DSG2: variants seen among roughly 807,000 people sequenced by gnomAD.
DSG2 encodes desmoglein 2.
DSG2 carries 45 observed loss-of-function variants against 75.6 expected under a neutral mutation model. The observed-to-expected ratio is 0.60, with a 90% CI of 0.47 to 0.76. The LOEUF is 0.76. DSG2 is among the 30% of genes least tolerant of loss of function. The probability of loss-of-function intolerance (pLI) is 0.00; values close to 1 mark genes in which losing one functional copy is unlikely to be tolerated. For missense variants in DSG2, 1,267 were observed against 1,357.4 expected (o/e 0.93, Z 1.05); for synonymous variants, 429 against 483.9 (o/e 0.89, Z 1.49).
rs2073320095 is a variant in DSG2, at chr18:31,547,297, C to T, written c.*554C>T. 1 of 205,026 alleles carries T rather than the reference C, an allele frequency of 4.9e-6. No individual in the cohort carries two copies. The highest frequency in any genetic ancestry group is 9.5e-5 in the South Asian group (1 of 10,546). The allele number at this position is 205,026 out of a possible 1,614,324, so 12.7% of individuals were successfully genotyped here. ...AATCTGTGTGATTCATTAAATTGGA[C>T]CATTGATGATAAGAATACACATTGT... On this transcript the variant is annotated 3_prime_UTR_variant, in exon 15 of 15. Transcript: ENST00000261590.
chr18:31,520,060 C>T, intron 3 of DSG2, 123 bp downstream of exon 3: 1 of 1,236,766 alleles, frequency 8.1e-7, no homozygotes, highest in Non-Finnish European at 1.1e-6. Context: ...TTTAAATATT[C>T]AAGATATATC....
Position 31,546,859 on chromosome 18 carries a change from T to C in DSG2, c.*116T>C, listed in dbSNP as rs2073316150. The C allele has an allele frequency of 1.7e-6, 2 of 1,186,214 alleles. No individual in the cohort carries two copies. The highest frequency in any genetic ancestry group is 1.3e-5 in the South Asian group (1 of 79,028). 73.5% of individuals were successfully genotyped at this position (1,186,214 alleles called of 1,614,324 possible). A position where few individuals can be genotyped will look rare whatever the true frequency, so the allele number is the denominator to read the frequency against. On this transcript the variant is annotated 3_prime_UTR_variant, in exon 15 of 15. Transcript: ENST00000261590. The stretch of plus-strand genomic sequence containing the variant: ...ACACACAGAGACACATACACATTGA[T>C]CTTAAAATTTTTCTCAGTCACTGAT...
intron 9 of DSG2, among the ~76,000 whole-genome samples, chr18:31,532,602 C>A (rs1245036684): frequency 6.6e-6 from 1 of 151,964 alleles, no homozygotes; most frequent in Admixed American, 6.6e-5. Context: ...ACATTTTTTC[C>A]AAAGTAATGT....
chr18:31,500,650 CT>C, intron 1 of DSG2, among the ~76,000 whole-genome samples: 1 of 152,294 alleles, frequency 6.6e-6, no homozygotes, highest in East Asian at 1.9e-4. Flanking sequence ...GCAGTGGAGT[CT>C]GTGACACATG....
At chr18:31,518,314 G>A in intron 2 of DSG2, 40 bp downstream of exon 2, 1 of 1,562,032 alleles carries the variant, frequency 6.4e-7, no homozygotes, top group Non-Finnish European at 8.8e-7. Flanking sequence ...TCTGACTCAG[G>A]AGGGTTAATT....
intron 1 of DSG2, among the ~76,000 whole-genome samples, chr18:31,511,855 G>T (rs1212502307): frequency 6.6e-6 from 1 of 152,070 alleles, no homozygotes; most frequent in Non-Finnish European, 1.5e-5. Context: ...ATCCCAGAAG[G>T]CCCCTTGTGC....
chr18:31,504,753 C>T (rs950818441), intron 1 of DSG2, among the ~76,000 whole-genome samples: 2 of 152,176 alleles, frequency 1.3e-5, no homozygotes, highest in Admixed American at 6.5e-5. Flanking sequence ...AGCATCTCTC[C>T]GCCCTACTCA....
At chr18:31,516,225 A>T (rs1398914777) in intron 1 of DSG2, among the ~76,000 whole-genome samples, 1 of 152,182 alleles carries the variant, frequency 6.6e-6, no homozygotes, top group East Asian at 1.9e-4. Flanking sequence ...CCAATGGAGA[A>T]GGAAGATAAA....
chr18:31,519,666 A>T, intron 2 of DSG2, 137 bp from the exon 3 acceptor site: 1 of 870,208 alleles, frequency 1.1e-6, no homozygotes, highest in Non-Finnish European at 1.8e-6. Context: ...TCCCTTTTAG[A>T]CAATGAAGCC....
intron 1 of DSG2, among the ~76,000 whole-genome samples, chr18:31,514,860 A>C (rs2144306083): frequency 6.6e-6 from 1 of 152,368 alleles, no homozygotes; most frequent in Admixed American, 6.5e-5. Flanking sequence ...TGATGAATTT[A>C]CGTTTGACTA....
At chr18:31,542,914 A>G (rs2073279354) in intron 14 of DSG2, 62 bp downstream of exon 14, 4 of 1,076,776 alleles carry the variant, frequency 3.7e-6, no homozygotes, top group South Asian at 3.2e-5. Context: ...TGTGAATGTG[A>G]TATTATTAGG....
intron 14 of DSG2, 107 bp downstream of exon 14, chr18:31,542,959 GTTTT>G: frequency 2.9e-6 from 2 of 685,658 alleles, no homozygotes; most frequent in Admixed American, 4.0e-5. Flanking sequence ...GAGACTTTGG[GTTTT>G]TTTTTTTTTT....
At chr18:31,498,508 T>A (rs1306435150) in intron 1 of DSG2, among the ~76,000 whole-genome samples, 2 of 151,672 alleles carry the variant, frequency 1.3e-5, no homozygotes, top group Non-Finnish European at 2.9e-5. Context: ...GCCAGGAGAG[T>A]AAGTTGCGAC....
rs927802124 is a variant in DSG2 at position 31,548,720 on chromosome 18, A to T, written c.*1977A>T. 6.6e-6 allele frequency: 1 copy of T among 152,198 alleles called. No homozygotes were observed. The highest frequency in any genetic ancestry group is 2.1e-4 in the South Asian group (1 of 4,826). The allele number at this position is 152,198 out of a possible 1,614,324, so 9.4% of individuals were successfully genotyped here. On this transcript the variant is annotated 3_prime_UTR_variant, in exon 15 of 15. Transcript: ENST00000261590. ...AACCTAACCTGCCTCTTTTAGCATAATCACATTTTCTAAATGATTTTCTTT... is the reference window on the plus strand; with the variant it reads ...AACCTAACCTGCCTCTTTTAGCATATTCACATTTTCTAAATGATTTTCTTT...
intron 9 of DSG2, 71 bp downstream of exon 9, chr18:31,531,323 C>T: frequency 6.6e-7 from 1 of 1,520,070 alleles, no homozygotes; most frequent in Non-Finnish European, 9.1e-7. Flanking sequence ...AAATCATAAT[C>T]AAATCTGAAC....
chr18:31,500,502 A>C (rs936263608), intron 1 of DSG2, among the ~76,000 whole-genome samples: 1 of 152,200 alleles, frequency 6.6e-6, no homozygotes, highest in Admixed American at 6.5e-5. Context: ...CACTAGAGCC[A>C]TAATAAGATG....
At chr18:31,508,178 A>T (rs893417586) in intron 1 of DSG2, among the ~76,000 whole-genome samples, 2 of 151,944 alleles carry the variant, frequency 1.3e-5, no homozygotes, top group Non-Finnish European at 2.9e-5. Flanking sequence ...ATAAAATGGT[A>T]TTTTTTGAGT....
At chr18:31,539,116 C>G (rs1021649189) in intron 12 of DSG2, 138 bp downstream of exon 12, 63 of 825,528 alleles carry the variant, frequency 7.6e-5, no homozygotes, top group Non-Finnish European at 7.9e-5. Flanking sequence ...AATAGGGAAA[C>G]AACTGATGAT....
rs878873107 is a variant in DSG2 at position 31,546,040 on chromosome 18, G to T, written c.2654G>T (p.Gly885Val). The stretch of plus-strand genomic sequence containing the variant: ...AATTCAGAGAATACCTACTCCTCTG[G>T]CAGTAGCTTCCCAGTTCCAAAATCT... ...MVNSENTYSS[G>V]SSFPVPKSLQ... The change falls in exon 15 of 15, where the codon GGC becomes GTC. Residue 885 changes from glycine (G) to valine (V), a missense_variant. Gly to Val is a moderately radical substitution (Grantham distance 109, BLOSUM62 -3). Coordinates refer to ENST00000261590, the MANE Select transcript of DSG2 (RefSeq NM_001943.5). 1.2e-6 allele frequency: 2 copies of T among 1,614,154 alleles called. No individual in the cohort carries two copies. The highest frequency in any genetic ancestry group is 2.2e-5 in the South Asian group (2 of 91,082).
Sources: allele counts gnomAD v4.1 joint callset (sites outside exome capture counted in the v4.1 genomes callset), GRCh38; gene constraint gnomAD v4.1.1; transcripts MANE v1.5; gene names NCBI Gene and HGNC (gene_info 2026-07-23, HGNC 2026-07-21).